Variants in AP3B1 observed in about 807,000 individuals in gnomAD.
AP3B1 encodes the protein AP-3 complex subunit beta-1.
AP3B1 carries 61 observed loss-of-function variants against 132.5 expected under a neutral mutation model. The observed-to-expected ratio is 0.46, with a 90% CI of 0.37 to 0.57. The LOEUF is 0.57. AP3B1 is among the 20% of genes least tolerant of loss of function. AP3B1 has a pLI of 0.00. For missense variants in AP3B1, 1,120 were observed against 1,289.4 expected (o/e 0.87, Z 2.01); for synonymous variants, 388 against 438.3 (o/e 0.89, Z 1.43).
chr5:78,009,923 CT>C (rs1746549407), intron 26 of AP3B1, among the ~76,000 whole-genome samples: 1 of 152,128 alleles, frequency 6.6e-6, no homozygotes, highest in Non-Finnish European at 1.5e-5. Flanking sequence ...CAAATATCAC[CT>C]TTTCTCCTCA....
At chr5:78,186,481 C>G (rs1363011356) in intron 7 of AP3B1, among the ~76,000 whole-genome samples, 1 of 152,120 alleles carries the variant, frequency 6.6e-6, no homozygotes, top group African/African-American at 2.4e-5. Context: ...GAAACGGCAA[C>G]ATGAAGATTC....
intron 26 of AP3B1, among the ~76,000 whole-genome samples, chr5:78,004,908 G>C (rs920872895): frequency 6.6e-6 from 1 of 152,200 alleles, no homozygotes; most frequent in Admixed American, 6.5e-5. Context: ...GTACACATGA[G>C]AGATTATGAA....
At chr5:78,036,390 T>C (rs1747808243) in intron 23 of AP3B1, among the ~76,000 whole-genome samples, 1 of 152,174 alleles carries the variant, frequency 6.6e-6, no homozygotes. Context: ...GAGATGGCTA[T>C]GTAGAAGTGG....
At chr5:78,211,733 G>A (rs1019847689) in intron 7 of AP3B1, among the ~76,000 whole-genome samples, 3 of 152,040 alleles carry the variant, frequency 2.0e-5, no homozygotes, top group Non-Finnish European at 2.9e-5. Flanking sequence ...GGTTTTGACC[G>A]GAACACAATA....
Position 78,240,968 on chromosome 5 carries a change from A to G in AP3B1, c.205-32T>C, listed in dbSNP as rs763919382. On this transcript the variant is annotated intron_variant, in intron 2 of 26. Coordinates refer to ENST00000255194, the MANE Select transcript of AP3B1 (RefSeq NM_003664.5). ...AATAAACAAAACAGACAATATGGGA[A>G]ATTCTATATATATTAAATATTTAGA... 173 of 1,399,620 alleles carry G rather than the reference A, an allele frequency of 1.2e-4. 1 individual carries two copies. The highest frequency in any genetic ancestry group is 9.1e-4 in the Middle Eastern group (5 of 5,482). The allele number at this position is 1,399,620 out of a possible 1,614,324, so 86.7% of individuals were successfully genotyped here.
chr5:78,176,054 T>C (rs770529797), intron 9 of AP3B1, among the ~76,000 whole-genome samples: 23 of 152,182 alleles, frequency 1.5e-4, no homozygotes, highest in Admixed American at 3.9e-4. Context: ...TCATGAAGAA[T>C]AGTTAAAACA....
chr5:78,184,113 G>A (rs1207151640), intron 7 of AP3B1, among the ~76,000 whole-genome samples: 2 of 151,494 alleles, frequency 1.3e-5, no homozygotes, highest in Non-Finnish European at 2.9e-5. Flanking sequence ...AGGTTGCAGT[G>A]AGTGGAGATT....
At chr5:78,288,238 T>C (rs924440491) in intron 1 of AP3B1, among the ~76,000 whole-genome samples, 1 of 152,270 alleles carries the variant, frequency 6.6e-6, no homozygotes, top group African/African-American at 2.4e-5. Flanking sequence ...AATTTAACAC[T>C]AATTGTATAC....
chr5:78,225,984 C>T (rs918749518), intron 5 of AP3B1, among the ~76,000 whole-genome samples: 1 of 152,034 alleles, frequency 6.6e-6, no homozygotes, highest in Admixed American at 6.6e-5. Context: ...TGCATACATA[C>T]TTCCCAAAAA....
At chr5:78,090,918 G>T (rs1303930628) in intron 21 of AP3B1, among the ~76,000 whole-genome samples, 1 of 151,572 alleles carries the variant, frequency 6.6e-6, no homozygotes, top group African/African-American at 2.4e-5. Context: ...CTGAGTAAGT[G>T]CATGCCACCA....
intron 7 of AP3B1, among the ~76,000 whole-genome samples, chr5:78,212,870 C>A (rs976848667): frequency 1.3e-5 from 2 of 151,960 alleles, no homozygotes; most frequent in African/African-American, 2.4e-5. Flanking sequence ...ATTTAGTCTG[C>A]CAACTTCTTT....
At position 78,128,158 on chromosome 5, in the gene AP3B1, T is replaced by C. The variant is rs769757592; in HGVS notation, c.1840A>G (p.Arg614Gly). Residue 614 changes from arginine (R) to glycine (G), a missense_variant and splice_region_variant, in exon 17 of 27, where the codon AGA becomes GGA. Arg to Gly is a moderately radical substitution (Grantham distance 125). Around this residue, in one of 3 missense-constraint regions of AP3B1, gnomAD observed 906 missense variants for 997.1 expected, o/e 0.91. Coordinates refer to ENST00000255194, the MANE Select transcript of AP3B1 (RefSeq NM_003664.5). ...APLLESPFKD[R>G]DHFQLGTLSH... Reference sequence around the variant, plus strand: ...AAGGTGCCAAGCTGGAAATGATCTCTATCTATTAAAAATAGGGAAAAATAT... The same window carrying C: ...AAGGTGCCAAGCTGGAAATGATCTCCATCTATTAAAAATAGGGAAAAATAT... The C allele has an allele frequency of 1.1e-5, 17 of 1,601,338 alleles. No homozygotes were observed. The highest frequency in any genetic ancestry group is 2.2e-5 in the East Asian group (1 of 44,736).
intron 6 of AP3B1, among the ~76,000 whole-genome samples, chr5:78,218,910 T>C (rs1194156272): frequency 6.6e-6 from 1 of 152,074 alleles, no homozygotes. Context: ...TCTTGAGGCA[T>C]GGAAAATGGG....
intron 15 of AP3B1, among the ~76,000 whole-genome samples, chr5:78,132,336 T>G (rs1350542521): frequency 1.3e-5 from 2 of 152,208 alleles, no homozygotes; most frequent in Admixed American, 1.3e-4. Context: ...CAACAGCATT[T>G]GCAATATTTT....
At chr5:78,143,805 GGAGT>G (rs1753261398) in intron 14 of AP3B1, among the ~76,000 whole-genome samples, 1 of 152,116 alleles carries the variant, frequency 6.6e-6, no homozygotes, top group Non-Finnish European at 1.5e-5. Flanking sequence ...CTTGAGGACA[GGAGT>G]TTGAGACCAG....
intron 2 of AP3B1, among the ~76,000 whole-genome samples, chr5:78,257,872 A>G (rs1341034043): frequency 6.6e-6 from 1 of 151,984 alleles, no homozygotes; most frequent in African/African-American, 2.4e-5. Context: ...CCACACACCT[A>G]CAGAGAACTG....
chr5:78,152,636 T>C (rs1240831850), intron 14 of AP3B1, among the ~76,000 whole-genome samples: 2 of 152,164 alleles, frequency 1.3e-5, no homozygotes, highest in African/African-American at 4.8e-5. Flanking sequence ...AAGTTATTTA[T>C]TATTTATTTG....
chr5:78,064,110 T>A (rs1199182007), intron 22 of AP3B1, among the ~76,000 whole-genome samples: 1 of 150,792 alleles, frequency 6.6e-6, no homozygotes, highest in Non-Finnish European at 1.5e-5. Context: ...AGGGAAAAAA[T>A]TTTGCCATTT....
rs182674379 is a variant in AP3B1, at chr5:78,039,686, G to C, written c.2578-412C>G. ...CCAGCTACTTGGGAGGCTGAGGCAG[G>C]AGAATGGCGTGAACCCAGGAGGCGG... On this transcript the variant is annotated intron_variant, in intron 22 of 26. Coordinates refer to ENST00000255194, the MANE Select transcript of AP3B1 (RefSeq NM_003664.5). Among the ~76,000 whole-genome samples the C allele has an allele frequency of 5.5e-3, 833 of 151,284 alleles. 7 individuals carry two copies. Among genetic ancestry groups the C allele is most frequent in the African/African-American group, 0.019 (797 of 41,236 alleles).
Sources: allele counts gnomAD v4.1 joint callset (sites outside exome capture counted in the v4.1 genomes callset), GRCh38; gene constraint gnomAD v4.1.1; regional missense constraint gnomAD v4.1.1; transcripts MANE v1.5; gene names NCBI Gene and HGNC (gene_info 2026-07-23, HGNC 2026-07-21).